SHROOM2: variants seen among roughly 807,000 people sequenced by gnomAD.
SHROOM2 encodes the protein protein Shroom2.
SHROOM2 carries 33 observed loss-of-function variants against 75.9 expected under a neutral mutation model. The observed-to-expected ratio is 0.43, with a 90% CI of 0.33 to 0.58. The LOEUF (loss-of-function observed/expected upper bound fraction) is 0.58. Ranked by LOEUF, SHROOM2 falls within the 20% of genes least tolerant of loss-of-function variation. The probability of loss-of-function intolerance (pLI) is 0.04; values close to 1 mark genes in which losing one functional copy is unlikely to be tolerated. For synonymous variants in SHROOM2, 655 were observed against 663.6 expected, an observed-to-expected ratio of 0.99 and a Z score of 0.20; for missense variants, 1,434 against 1,461.2, an observed-to-expected ratio of 0.98 and a Z score of 0.30.
intron 1 of SHROOM2, among the ~76,000 whole-genome samples, chrX:9,822,034 C>A (rs185800391): frequency 1.7e-3 from 189 of 112,596 alleles, no homozygotes; most frequent in African/African-American, 5.7e-3. Context: ...GAGGCTGACC[C>A]TGAAGGCCCC....
At chrX:9,824,208 T>C (rs1199413012) in intron 1 of SHROOM2, among the ~76,000 whole-genome samples, 1 of 108,322 alleles carries the variant, frequency 9.2e-6, no homozygotes, top group African/African-American at 3.4e-5. Context: ...CCAGGGTGGG[T>C]GGATCACCTG....
At chrX:9,872,775 G>A (rs931557331) in intron 1 of SHROOM2, among the ~76,000 whole-genome samples, 4 of 111,768 alleles carry the variant, frequency 3.6e-5, no homozygotes, top group African/African-American at 9.8e-5. Flanking sequence ...TTCATACACC[G>A]ATGGTGGGAA....
chrX:9,827,864 C>T (rs1713445665), intron 1 of SHROOM2, among the ~76,000 whole-genome samples: 1 of 111,240 alleles, frequency 9.0e-6, no homozygotes, highest in Non-Finnish European at 1.9e-5. Flanking sequence ...AAGGACCTAG[C>T]AGGTGCCAGG....
intron 1 of SHROOM2, among the ~76,000 whole-genome samples, chrX:9,831,856 A>G (rs1329334641): frequency 8.1e-5 from 9 of 110,434 alleles, no homozygotes; most frequent in Non-Finnish European, 1.7e-4. Flanking sequence ...CACTAATCCC[A>G]TTCATGAGGC....
chrX:9,807,589 G>A (rs2083761622), intron 1 of SHROOM2, among the ~76,000 whole-genome samples: 1 of 112,247 alleles, frequency 8.9e-6, no homozygotes, highest in Non-Finnish European at 1.9e-5. Context: ...AATAAAACCC[G>A]AGTTCAGGAC....
At chrX:9,807,288 C>G (rs190051478) in intron 1 of SHROOM2, among the ~76,000 whole-genome samples, 18 of 112,366 alleles carry the variant, frequency 1.6e-4, no homozygotes, top group Admixed American at 1.5e-3. Context: ...GGCGCTCATC[C>G]TTCCTGCATT....
chrX:9,921,538 C>T (rs769321745), intron 5 of SHROOM2, among the ~76,000 whole-genome samples: 31 of 97,341 alleles, frequency 3.2e-4, no homozygotes, highest in Non-Finnish European at 5.7e-4. Flanking sequence ...TAACTACAGA[C>T]GCTGCGCTGT....
At chrX:9,885,950 CA>C (rs35651225) in intron 2 of SHROOM2, among the ~76,000 whole-genome samples, 16,227 of 47,845 alleles carry the variant, frequency 0.34, 1,812 homozygotes, top group African/African-American at 0.51. Context: ...GAGAGCCTGT[CA>C]AAAAAAAAAA....
At chrX:9,807,588 C>G (rs752224917) in intron 1 of SHROOM2, among the ~76,000 whole-genome samples, 2 of 112,277 alleles carry the variant, frequency 1.8e-5, no homozygotes, top group Non-Finnish European at 1.9e-5. Context: ...AAATAAAACC[C>G]GAGTTCAGGA....
At chrX:9,841,541 C>T (rs1053168559) in intron 1 of SHROOM2, among the ~76,000 whole-genome samples, 3 of 111,715 alleles carry the variant, frequency 2.7e-5, no homozygotes, top group African/African-American at 9.8e-5. Context: ...GTTTTTGCTG[C>T]ATGCCAGACA....
At chrX:9,883,837 A>G (rs1407939592) in intron 2 of SHROOM2, among the ~76,000 whole-genome samples, 2 of 111,035 alleles carry the variant, frequency 1.8e-5, no homozygotes, top group Admixed American at 1.9e-4. Context: ...AAGGATTAGA[A>G]GAGTGTGAGC....
chrX:9,792,065 AG>A (rs2083658521), intron 1 of SHROOM2, among the ~76,000 whole-genome samples: 1 of 5,450 alleles, frequency 1.8e-4, no homozygotes, highest in African/African-American at 5.6e-4. Flanking sequence ...AGAATAGAAT[AG>A]AATAGAATAG....
At chrX:9,944,103 A>G (rs758504459) in intron 8 of SHROOM2, among the ~76,000 whole-genome samples, 9 of 110,856 alleles carry the variant, frequency 8.1e-5, no homozygotes, top group Non-Finnish European at 1.1e-4. Context: ...AATTGCTTGA[A>G]CCCGGGAGGC....
At chrX:9,819,353 A>C (rs903547432) in intron 1 of SHROOM2, 5 of 485,742 alleles carry the variant, frequency 1.0e-5, no homozygotes, top group Admixed American at 3.2e-5. Flanking sequence ...TTGCAGTGTC[A>C]GTCATGTTGA....
intron 5 of SHROOM2, among the ~76,000 whole-genome samples, chrX:9,905,781 GAC>G (rs1441967492): frequency 8.9e-6 from 1 of 112,345 alleles, no homozygotes; most frequent in Non-Finnish European, 1.9e-5. Context: ...CCACAGTGCT[GAC>G]ACAGTTTCCC....
intron 1 of SHROOM2, among the ~76,000 whole-genome samples, chrX:9,826,131 G>A (rs5979186): frequency 9.0e-6 from 1 of 110,839 alleles, no homozygotes; most frequent in East Asian, 2.9e-4. Flanking sequence ...GTTCTTCGGG[G>A]GCTAATGTCT....
intron 8 of SHROOM2, among the ~76,000 whole-genome samples, chrX:9,942,287 A>G (rs189943905): frequency 8.9e-6 from 1 of 112,021 alleles, no homozygotes; most frequent in African/African-American, 3.2e-5. Flanking sequence ...CGGTGACCAC[A>G]TGTGTGAGGG....
intron 1 of SHROOM2, among the ~76,000 whole-genome samples, chrX:9,816,579 C>T (rs866334385): frequency 1.9e-4 from 5 of 26,405 alleles, no homozygotes; most frequent in Non-Finnish European, 3.6e-4. Flanking sequence ...CAGCCTTACC[C>T]CCTGCTGCTG....
In SHROOM2 at chrX:9,895,753, C is replaced by T. The variant is rs1212294808; in HGVS notation, c.1845C>T (p.His615=). The T allele has an allele frequency of 6.7e-6, 8 of 1,201,277 alleles. No individual in the cohort carries two copies. Among genetic ancestry groups the T allele is most frequent in the South Asian group, 3.6e-5 (2 of 55,439 alleles). Residue 615 remains histidine (H), a synonymous_variant, in exon 4 of 10, where the codon CAC becomes CAT. Coordinates refer to ENST00000380913, the MANE Select transcript of SHROOM2 (RefSeq NM_001649.4). ...SATRPPPFDA[H]VGKPTRRSDR... is the part of the protein sequence containing the mutation. ...CCAGACCGCCACCGTTCGACGCCCA[C>T]GTGGGCAAGCCCACCCGAAGAAGCG...
Sources: allele counts gnomAD v4.1 joint callset (sites outside exome capture counted in the v4.1 genomes callset), GRCh38; gene constraint gnomAD v4.1.1; transcripts MANE v1.5; gene names NCBI Gene and HGNC (gene_info 2026-07-23, HGNC 2026-07-21).